The following OGN variants were observed in gnomAD, a reference collection of about 807,000 sequenced individuals.
The protein encoded by OGN is osteoglycin.
A neutral mutation model predicts 30.8 loss-of-function variants in OGN; 19 were observed. That is an observed-to-expected ratio of 0.62 (90% confidence interval 0.43 to 0.90). The LOEUF is 0.90. OGN is among the 40% of genes least tolerant of loss of function. The pLI is 0.00. For missense variants in OGN, 283 were observed against 349.7 expected (o/e 0.81, Z 1.52); for synonymous variants, 126 against 128.3 (o/e 0.98, Z 0.12).
intron 3 of OGN, 31 bp downstream of exon 3, chr9:92,401,061 T>C: frequency 1.0e-6 from 1 of 1,004,496 alleles, no homozygotes; most frequent in Non-Finnish European, 1.6e-6. Context: ...TTTTAAAAGA[T>C]CCATTTGAAA....
chr9:92,404,567 G>T lies in OGN; in HGVS notation c.-147C>A. ...TCATGTCTGTGCATTAGCCCCAAGT[G>T]GGAGGGTGAATGAGAAAAGCTATGT... On this transcript the variant is annotated 5_prime_UTR_variant, in exon 1 of 7. Transcript: ENST00000375561. The T allele has an allele frequency of 7.7e-7, 1 of 1,295,440 alleles. No homozygotes were observed. Among genetic ancestry groups the T allele is most frequent in the African/African-American group, 1.5e-5 (1 of 65,252 alleles). 80.2% of individuals were successfully genotyped at this position (1,295,440 alleles called of 1,614,324 possible). A position where few individuals can be genotyped will look rare whatever the true frequency, so the allele number is the denominator to read the frequency against.
chr9:92,396,679 C>T (rs752358920), intron 3 of OGN, among the ~76,000 whole-genome samples: 8 of 151,750 alleles, frequency 5.3e-5, no homozygotes, highest in Non-Finnish European at 1.2e-4. Flanking sequence ...ATCCTCCTGC[C>T]TCAGCCTCTC....
Position 92,397,518 on chromosome 9 carries a change from C to T in OGN, c.268+3574G>A, listed in dbSNP as rs189140343. 4.6e-5 allele frequency among the ~76,000 whole-genome samples: 7 copies of T among 152,144 alleles called. No individual in the cohort carries two copies. The East Asian group carries it at 5.8e-4, about 13-fold the overall frequency. ...ATTTTTTTTGTATTTTTAGTAGAGA[C>T]GGGGTTTCACCATGTTGGCCAGGCT... On this transcript the variant is annotated intron_variant, in intron 3 of 6. Transcript: ENST00000375561.
chr9:92,404,535 T>C lies in OGN; in HGVS notation c.-115A>G, dbSNP rs181807087. ...TGAAGTTTTTTGTGGTTTTCCTCAA[T>C]AGATGTTCATGTCTGTGCATTAGCC... On this transcript the variant is annotated 5_prime_UTR_variant, in exon 1 of 7. Coordinates refer to ENST00000375561, the MANE Select transcript of OGN (RefSeq NM_014057.5). The C allele has an allele frequency of 2.2e-4, 286 of 1,298,996 alleles. 5 individuals carry two copies. In the Admixed American group the frequency reaches 6.6e-3, roughly 30 times the overall value. The allele number at this position is 1,298,996 out of a possible 1,614,324, so 80.5% of individuals were successfully genotyped here.
At chr9:92,390,623 C>A (rs994197142) in intron 4 of OGN, among the ~76,000 whole-genome samples, 2 of 151,842 alleles carry the variant, frequency 1.3e-5, no homozygotes, top group African/African-American at 4.8e-5. Context: ...TCACGTATAT[C>A]TGGGATAATT....
chr9:92,390,563 A>AGTGTGTGT (rs61628295), intron 4 of OGN, among the ~76,000 whole-genome samples: 33 of 150,554 alleles, frequency 2.2e-4, no homozygotes, highest in African/African-American at 6.3e-4. Flanking sequence ...AGAGAAATTC[A>AGTGTGTGT]GTGTGTGTGT....
chr9:92,404,694 T>G (rs570038698), upstream of OGN: 19 of 1,235,426 alleles, frequency 1.5e-5, no homozygotes, highest in Admixed American at 3.5e-4. Context: ...TAGGGTGAAA[T>G]GCAGTGTGTT....
chr9:92,388,029 G>T (rs1228233801), intron 5 of OGN, among the ~76,000 whole-genome samples: 1 of 152,074 alleles, frequency 6.6e-6, no homozygotes, highest in Non-Finnish European at 1.5e-5. Flanking sequence ...CTCCCAAAGT[G>T]CTAGGATTAC....
intron 3 of OGN, among the ~76,000 whole-genome samples, chr9:92,400,629 A>C (rs147678135): frequency 2.0e-5 from 3 of 152,248 alleles, no homozygotes; most frequent in Non-Finnish European, 4.4e-5. Flanking sequence ...AGCCAAGTAC[A>C]CAGGAATTAT....
intron 5 of OGN, among the ~76,000 whole-genome samples, chr9:92,388,513 C>T (rs1031522272): frequency 6.6e-6 from 1 of 151,640 alleles, no homozygotes; most frequent in African/African-American, 2.4e-5. Flanking sequence ...GAGTGACCAA[C>T]TCAAATTAAT....
chr9:92,387,069 A>G (rs1233196925), intron 5 of OGN, among the ~76,000 whole-genome samples: 3 of 148,448 alleles, frequency 2.0e-5, no homozygotes, highest in East Asian at 2.0e-4. Context: ...AAAAAAAAAA[A>G]AAAAAAGAAA....
At chr9:92,404,359 A>AT (rs1322494417) in intron 1 of OGN, 137 bp downstream of exon 1, 8 of 435,964 alleles carry the variant, frequency 1.8e-5, no homozygotes, top group Non-Finnish European at 2.6e-5. Context: ...GATGATATAC[A>AT]TAAGTACTTC....
intron 3 of OGN, among the ~76,000 whole-genome samples, chr9:92,398,049 G>A (rs975187953): frequency 4.2e-5 from 6 of 141,580 alleles, no homozygotes; most frequent in African/African-American, 1.5e-4. Context: ...CATTATTTAC[G>A]TATATTTACT....
chr9:92,390,590 G>A (rs1371405323), intron 4 of OGN, among the ~76,000 whole-genome samples: 11 of 151,522 alleles, frequency 7.3e-5, no homozygotes, highest in South Asian at 2.1e-4. Context: ...GTGTGTGTGC[G>A]CGCGCGCGTA....
chr9:92,383,671 G>A lies in OGN; in HGVS notation c.*1949C>T, dbSNP rs1055417129. On this transcript the variant is annotated 3_prime_UTR_variant, in exon 7 of 7. Transcript: ENST00000375561. ...GTGATTTAAGGTTGTGTATATGAAG[G>A]TGTAAGGTATGCATGTTCATATATA... Among the ~76,000 whole-genome samples, 3 of 151,848 alleles carry A rather than the reference G, an allele frequency of 2.0e-5. No individual in the cohort carries two copies. Among genetic ancestry groups the A allele is most frequent in the Non-Finnish European group, 4.4e-5 (3 of 67,958 alleles).
chr9:92,393,303 A>G, intron 3 of OGN, 59 bp from the exon 4 acceptor site: 6 of 1,365,310 alleles, frequency 4.4e-6, no homozygotes, highest in Non-Finnish European at 6.0e-6. Flanking sequence ...TTTCTCCTCT[A>G]GTAGTAAAAT....
intron 5 of OGN, 109 bp from the exon 6 acceptor site, chr9:92,386,405 A>T (rs1038211531): frequency 1.9e-5 from 13 of 687,690 alleles, no homozygotes; most frequent in Middle Eastern, 4.9e-4. Flanking sequence ...ACAGACTTGC[A>T]TATTGATATG....
rs1420220739 is a variant in OGN, at chr9:92,403,299, TATCTGTTCCATAATC to T, written c.94_108del (p.Asp32_Asp36del). On this transcript the variant is annotated inframe_deletion, in exon 2 of 7. Coordinates refer to ENST00000375561, the MANE Select transcript of OGN (RefSeq NM_014057.5). ...TGGCTAAATATGGATTCTTCAAAAT[TATCTGTTCCATAATC>T]ATAGATAATGCGTGAGTCCTGCTGG... The T allele has an allele frequency of 6.2e-7, 1 of 1,612,358 alleles. No individual in the cohort carries two copies. Among genetic ancestry groups the T allele is most frequent in the African/African-American group, 1.3e-5 (1 of 74,990 alleles).
intron 4 of OGN, among the ~76,000 whole-genome samples, chr9:92,391,281 C>A (rs1842671368): frequency 6.6e-6 from 1 of 151,612 alleles, no homozygotes; most frequent in South Asian, 2.1e-4. Flanking sequence ...GTGGCGAGCA[C>A]TTGTAGTCCC....
Sources: allele counts gnomAD v4.1 joint callset (sites outside exome capture counted in the v4.1 genomes callset), GRCh38; gene constraint gnomAD v4.1.1; transcripts MANE v1.5; gene names NCBI Gene and HGNC (gene_info 2026-07-23, HGNC 2026-07-21).